The following DCTN4 variants were observed in gnomAD, a reference collection of about 807,000 sequenced individuals.
The protein encoded by DCTN4 is dynactin subunit 4.
Under a neutral mutation model 62.7 loss-of-function variants are expected in DCTN4, and 23 were observed. The ratio of observed to expected loss-of-function variants is 0.37; its 90% CI spans 0.26 to 0.52. The LOEUF is 0.52. Among genes scored for constraint, DCTN4 ranks in the 20% least tolerant of loss-of-function variants. The pLI is 0.92. For missense variants in DCTN4, 514 were observed against 580.4 expected (o/e 0.89, Z 1.18); for synonymous variants, 199 against 202.1 (o/e 0.98, Z 0.13).
intron 6 of DCTN4, 96 bp downstream of exon 6, chr5:150,731,320 G>T: frequency 1.7e-6 from 2 of 1,149,432 alleles, no homozygotes; most frequent in South Asian, 1.3e-5. Context: ...CTTTTCCATT[G>T]ACAACTGTGT....
chr5:150,710,240 T>C lies in DCTN4; in HGVS notation c.*909A>G, dbSNP rs532702860. ...GTTTTCTGCATTCCAGAAATGAACC[T>C]GTCCACTCAGGTTTTCTTTGGGTTC... On this transcript the variant is annotated 3_prime_UTR_variant, in exon 13 of 13. Coordinates refer to ENST00000447998, the MANE Select transcript of DCTN4 (RefSeq NM_016221.4). 6.6e-5 allele frequency: 10 copies of C among 152,366 alleles called. No individual in the cohort carries two copies. The highest frequency in any genetic ancestry group is 1.2e-4 in the Non-Finnish European group (8 of 68,038). 9.4% of individuals were successfully genotyped at this position (152,366 alleles called of 1,614,324 possible).
chr5:150,711,341 G>C lies in DCTN4; in HGVS notation c.1191C>G (p.Ala397=). 3.1e-6 allele frequency: 5 copies of C among 1,612,940 alleles called. No homozygotes were observed. The highest frequency in any genetic ancestry group is 4.2e-6 in the Non-Finnish European group (5 of 1,179,984). ...DDPDIIAFRK[A]NKVGIFIKVT... is the part of the protein sequence containing the mutation. ...CTTTGATGAAAATACCCACTTTGTT[G>C]GCCTTTCTGAAGGCTATAATGCTAT... Residue 397 remains alanine, a synonymous_variant, in exon 13 of 13, where the codon GCC becomes GCG. Coordinates refer to ENST00000447998, the MANE Select transcript of DCTN4 (RefSeq NM_016221.4).
intron 3 of DCTN4, among the ~76,000 whole-genome samples, chr5:150,749,465 T>C (rs1051094048): frequency 1.3e-5 from 2 of 152,132 alleles, no homozygotes; most frequent in Non-Finnish European, 2.9e-5. Context: ...TGTCAAGGGA[T>C]TGGAACTCTC....
chr5:150,743,922 G>A (rs867479445), intron 3 of DCTN4, among the ~76,000 whole-genome samples: 3 of 152,192 alleles, frequency 2.0e-5, no homozygotes, highest in South Asian at 2.1e-4. Context: ...CACCAGCAAC[G>A]GAACAAAGCT....
chr5:150,731,568 G>T (rs1052390575), intron 5 of DCTN4, 79 bp from the exon 6 acceptor site: 2 of 1,142,084 alleles, frequency 1.8e-6, no homozygotes, highest in East Asian at 4.8e-5. Flanking sequence ...TTTTGGGTAG[G>T]ATAGCATGAG....
chr5:150,731,612 C>T, intron 5 of DCTN4, 123 bp from the exon 6 acceptor site: 2 of 741,728 alleles, frequency 2.7e-6, no homozygotes, highest in Middle Eastern at 2.5e-4. Flanking sequence ...AAAAGCTAAT[C>T]TAAAGGCTTC....
At chr5:150,729,346 C>T (rs1470364280) in intron 8 of DCTN4, among the ~76,000 whole-genome samples, 1 of 151,934 alleles carries the variant, frequency 6.6e-6, no homozygotes, top group Admixed American at 6.6e-5. Flanking sequence ...TTATCAACTT[C>T]GGAATATATA....
intron 3 of DCTN4, among the ~76,000 whole-genome samples, chr5:150,751,067 TATTTTTA>T (rs1752654336): frequency 6.6e-6 from 1 of 152,198 alleles, no homozygotes; most frequent in Non-Finnish European, 1.5e-5. Flanking sequence ...TCAGCTGTAA[TATTTTTA>T]AACGTCTGAA....
chr5:150,723,955 T>C (rs955845182), intron 8 of DCTN4, among the ~76,000 whole-genome samples: 1 of 152,206 alleles, frequency 6.6e-6, no homozygotes, highest in Non-Finnish European at 1.5e-5. Flanking sequence ...AGATAGAAAT[T>C]GATGGACATT....
chr5:150,729,191 T>C (rs1760267967), intron 8 of DCTN4, among the ~76,000 whole-genome samples: 3 of 151,702 alleles, frequency 2.0e-5, no homozygotes. Flanking sequence ...CCAGGCTTTC[T>C]ATTTGAACTA....
chr5:150,729,582 T>A (rs1187380122), intron 8 of DCTN4, among the ~76,000 whole-genome samples: 1 of 151,582 alleles, frequency 6.6e-6, no homozygotes. Context: ...AACAAAGTAC[T>A]ATCATTATTC....
At position 150,709,371 on chromosome 5, in the gene DCTN4, G is replaced by A. The variant is rs1189628553; in HGVS notation, c.*1778C>T. 3 of 152,322 alleles carry A rather than the reference G, an allele frequency of 2.0e-5. No homozygotes were observed. The highest frequency in any genetic ancestry group is 4.4e-5 in the Non-Finnish European group (3 of 68,038). 9.4% of individuals were successfully genotyped at this position (152,322 alleles called of 1,614,324 possible). On this transcript the variant is annotated 3_prime_UTR_variant, in exon 13 of 13. Transcript: ENST00000447998. ...AGTCTATGCAAACGTGTAAACATATGAAGCTATTCTCTACTCTATGCCCAT... is the reference window on the plus strand; with the variant it reads ...AGTCTATGCAAACGTGTAAACATATAAAGCTATTCTCTACTCTATGCCCAT...
intron 3 of DCTN4, among the ~76,000 whole-genome samples, chr5:150,744,492 A>G (rs1331692623): frequency 1.3e-5 from 2 of 152,202 alleles, no homozygotes; most frequent in African/African-American, 2.4e-5. Context: ...TAATTGTCAG[A>G]TTCACCAAAG....
At chr5:150,713,904 G>A (rs1759663682) in intron 12 of DCTN4, among the ~76,000 whole-genome samples, 1 of 151,956 alleles carries the variant, frequency 6.6e-6, no homozygotes, top group African/African-American at 2.4e-5. Context: ...ATCACTTTAG[G>A]TCAGGAGTTC....
At chr5:150,733,722 A>G (rs1422204118) in intron 4 of DCTN4, 3 of 375,866 alleles carry the variant, frequency 8.0e-6, no homozygotes, top group Non-Finnish European at 1.5e-5. Flanking sequence ...TTTGCTCTCT[A>G]ACTTCATTAC....
intron 12 of DCTN4, among the ~76,000 whole-genome samples, chr5:150,712,349 C>T (rs895924599): frequency 2.6e-5 from 4 of 152,158 alleles, no homozygotes; most frequent in East Asian, 1.9e-4. Flanking sequence ...AGACTGGTCT[C>T]GAACTCCTGA....
intron 3 of DCTN4, 67 bp downstream of exon 3, chr5:150,753,412 A>T: frequency 6.9e-7 from 1 of 1,445,686 alleles, no homozygotes; most frequent in Non-Finnish European, 9.5e-7. Context: ...TACAGAAATA[A>T]TAATCTATGG....
intron 8 of DCTN4, among the ~76,000 whole-genome samples, chr5:150,723,929 T>A (rs1391218229): frequency 1.3e-5 from 2 of 152,202 alleles, no homozygotes; most frequent in African/African-American, 4.8e-5. Flanking sequence ...CTGTAACAAT[T>A]TCTATAACTT....
Position 150,756,440 on chromosome 5 carries a change from A to G in DCTN4, c.183T>C (p.Ala61=), listed in dbSNP as rs374822848. 9 of 1,603,640 alleles carry G rather than the reference A, an allele frequency of 5.6e-6. No homozygotes were observed. Among genetic ancestry groups the G allele is most frequent in the East Asian group, 4.5e-5 (2 of 44,610 alleles). The part of the protein sequence containing the change: ...CPSCLENMPS[A]EAKLKKNRCA... ...ACCTATTCTTTTTTAGTTTGGCTTCAGCCGATGGCATATTTTCTAAACAAC... is the reference window on the plus strand; with the variant it reads ...ACCTATTCTTTTTTAGTTTGGCTTCGGCCGATGGCATATTTTCTAAACAAC... Residue 61 remains alanine (A), a synonymous_variant, in exon 2 of 13, where the codon GCT becomes GCC. Coordinates refer to ENST00000447998, the MANE Select transcript of DCTN4 (RefSeq NM_016221.4).
Sources: gnomAD v4.1 joint callset for allele counts (sites outside exome capture counted in the v4.1 genomes callset) on GRCh38, gnomAD v4.1.1 for gene constraint, MANE v1.5 for transcripts, NCBI Gene and HGNC (gene_info 2026-07-23, HGNC 2026-07-21) for gene names.